The following PARN variants were observed in gnomAD, a reference collection of about 807,000 sequenced individuals.
The protein encoded by PARN is poly(A)-specific ribonuclease PARN.
A neutral mutation model predicts 102.8 loss-of-function variants in PARN; 71 were observed. The ratio of observed to expected loss-of-function variants is 0.69; its 90% CI spans 0.57 to 0.84. The LOEUF is 0.84. Among genes scored for constraint, PARN ranks in the 40% least tolerant of loss-of-function variants. The pLI is 0.00. For synonymous variants in PARN, 261 were observed against 252.9 expected (o/e 1.03, Z -0.30); for missense variants, 782 against 760.9 (o/e 1.03, Z -0.33).
intron 13 of PARN, among the ~76,000 whole-genome samples, chr16:14,588,245 G>A (rs555532057): frequency 6.6e-6 from 1 of 152,244 alleles, no homozygotes; most frequent in African/African-American, 2.4e-5. Flanking sequence ...CACCTCTTAG[G>A]GAACAAATAA....
chr16:14,538,234 T>A (rs2151682890), intron 21 of PARN, among the ~76,000 whole-genome samples: 1 of 151,720 alleles, frequency 6.6e-6, no homozygotes, highest in South Asian at 2.1e-4. Context: ...TTTTTTTTTT[T>A]TTTTGAGACA....
intron 22 of PARN, among the ~76,000 whole-genome samples, chr16:14,450,930 G>C (rs571015874): frequency 6.6e-6 from 1 of 152,000 alleles, no homozygotes; most frequent in South Asian, 2.1e-4. Flanking sequence ...AGCAATCCAT[G>C]AGTCTACATC....
intron 18 of PARN, among the ~76,000 whole-genome samples, chr16:14,573,224 G>C (rs1968914459): frequency 6.6e-6 from 1 of 152,022 alleles, no homozygotes; most frequent in Non-Finnish European, 1.5e-5. Flanking sequence ...TGTATATATT[G>C]ATATGTACAA....
intron 3 of PARN, among the ~76,000 whole-genome samples, chr16:14,627,696 A>G (rs1297987077): frequency 6.6e-6 from 1 of 152,192 alleles, no homozygotes; most frequent in African/African-American, 2.4e-5. Context: ...TCATTAAAAT[A>G]ACACTTTAAG....
chr16:14,460,726 A>C (rs1362500766), intron 22 of PARN, among the ~76,000 whole-genome samples: 1 of 152,234 alleles, frequency 6.6e-6, no homozygotes, highest in Non-Finnish European at 1.5e-5. Context: ...AAAGTGTTTT[A>C]TTTCTTTGTA....
intron 21 of PARN, among the ~76,000 whole-genome samples, chr16:14,510,615 A>C (rs1192860215): frequency 1.3e-5 from 2 of 152,224 alleles, no homozygotes; most frequent in African/African-American, 2.4e-5. Context: ...CAAATAAGGA[A>C]ACCCAAACTT....
intron 12 of PARN, among the ~76,000 whole-genome samples, chr16:14,598,673 C>T (rs1207816008): frequency 6.6e-6 from 1 of 152,226 alleles, no homozygotes; most frequent in Non-Finnish European, 1.5e-5. Flanking sequence ...AATCGCCCCA[C>T]TTACTTGAGC....
chr16:14,617,125 T>C (rs536465847), intron 6 of PARN, among the ~76,000 whole-genome samples: 8 of 149,734 alleles, frequency 5.3e-5, no homozygotes, highest in Non-Finnish European at 7.4e-5. Context: ...TGGCTCACAC[T>C]TGTAATCCCA....
intron 22 of PARN, among the ~76,000 whole-genome samples, chr16:14,477,564 T>A (rs1264360523): frequency 6.6e-6 from 1 of 150,964 alleles, no homozygotes; most frequent in Non-Finnish European, 1.5e-5. Context: ...GATCACGAGG[T>A]CAGGAGTTCG....
intron 3 of PARN, 82 bp downstream of exon 3, chr16:14,628,090 C>T: frequency 1.2e-6 from 1 of 857,878 alleles, no homozygotes; most frequent in South Asian, 1.4e-5. Context: ...CCTTAATGCA[C>T]AAGTTTAGTA....
At position 14,592,036 on chromosome 16, in the gene PARN, C is replaced by CA. The variant is rs879685851; in HGVS notation, c.918+1264dup. 449 of 121,904 alleles carry CA rather than the reference C, an allele frequency of 3.7e-3. 2 individuals are homozygous for CA. Among genetic ancestry groups the CA allele is most frequent in the African/African-American group, 9.5e-3 (310 of 32,578 alleles). 7.6% of individuals were successfully genotyped at this position (121,904 alleles called of 1,614,324 possible). On this transcript the variant is annotated intron_variant, in intron 13 of 23. Coordinates refer to ENST00000437198, the MANE Select transcript of PARN (RefSeq NM_002582.4). ...CTGGTGAAAGAGTGAGACTCCATCT[C>CA]AAAAAAAAAAAAAGAATCCAGATGT...
Position 14,582,220 on chromosome 16 carries a change from T to C in PARN, c.1153A>G (p.Ile385Val). 1 of 1,613,314 alleles carries C rather than the reference T, an allele frequency of 6.2e-7. No homozygotes were observed. Among genetic ancestry groups the C allele is most frequent in the Non-Finnish European group, 8.5e-7 (1 of 1,179,196 alleles). The change falls in exon 17 of 24, where the codon ATC becomes GTC. Residue 385 changes from isoleucine (I) to valine (V), a missense_variant. Ile to Val is a conservative substitution (Grantham distance 29). Transcript: ENST00000437198. ...ATGGAGATGAAGCACAGCCCTGTGA[T>C]GTAGGCATCGTAGCCTGCCTCGTGG... is the stretch of plus-strand genomic sequence containing the variant. The part of the protein sequence containing the change: ...QLHEAGYDAY[I>V]TGLCFISMAN...
intron 14 of PARN, among the ~76,000 whole-genome samples, chr16:14,585,002 T>C (rs1226680629): frequency 6.6e-6 from 1 of 152,094 alleles, no homozygotes; most frequent in Non-Finnish European, 1.5e-5. Context: ...TACGTTGGAG[T>C]AGGTACTCAG....
chr16:14,495,841 G>A (rs1312367477), intron 21 of PARN, among the ~76,000 whole-genome samples: 1 of 152,104 alleles, frequency 6.6e-6, no homozygotes, highest in East Asian at 1.9e-4. Context: ...AGGTGTGTGC[G>A]CGGACAGCTT....
rs543039698 is a variant in PARN at position 14,622,651 on chromosome 16, C to T, written c.327+4455G>A. ...TCCCGAGTAGCTGGGACTACAGGCG[C>T]CCGCCCCCACGCCTGGCTAATTTTT... is the stretch of plus-strand genomic sequence containing the variant. On this transcript the variant is annotated intron_variant, in intron 5 of 23. Transcript: ENST00000437198. Among the ~76,000 whole-genome samples, 10 of 152,332 alleles carry T rather than the reference C, an allele frequency of 6.6e-5. 1 individual carries two copies. The South Asian group carries it at 2.1e-3, about 32-fold the overall frequency.
At chr16:14,624,530 G>A (rs1156498581) in intron 5 of PARN, among the ~76,000 whole-genome samples, 1 of 152,122 alleles carries the variant, frequency 6.6e-6, no homozygotes, top group East Asian at 1.9e-4. Context: ...AAGTATTCCA[G>A]GTGTACAATC....
Position 14,438,441 on chromosome 16 carries a change from T to TGGGG in PARN, c.1865-1673_1865-1670dup, listed in dbSNP as rs375043884. 1.7e-3 allele frequency among the ~76,000 whole-genome samples: 180 copies of TGGGG among 106,992 alleles called. 2 individuals carry two copies. Among genetic ancestry groups the TGGGG allele is most frequent in the East Asian group, 0.012 (42 of 3,506 alleles). The allele number at this position is 106,992 out of a possible 152,430, so 70.2% of individuals were successfully genotyped here. A position where few individuals can be genotyped will look rare whatever the true frequency, so the allele number is the denominator to read the frequency against. On this transcript the variant is annotated intron_variant, in intron 23 of 23. Transcript: ENST00000437198. ...CTGCCAATCTGCACCTGCCATTAGT[T>TGGGG]GGGGGGGGGGGTGTGTGAGTGCACA... is the stretch of plus-strand genomic sequence containing the variant.
In PARN at chr16:14,584,380, A is replaced by C. The variant is rs528529286; in HGVS notation, c.1048T>G (p.Leu350Val). The C allele has an allele frequency of 2.4e-5, 38 of 1,613,410 alleles. No individual in the cohort carries two copies. The South Asian group carries it at 4.0e-4, about 17-fold the overall frequency. Reference sequence around the variant, plus strand: ...GGAGGGTTGAAAGGTGTCTCTTTTAACCGCTTTTCCAATTCCGCAAGGGAT... The same window carrying C: ...GGAGGGTTGAAAGGTGTCTCTTTTACCCGCTTTTCCAATTCCGCAAGGGAT... ...NTSLAELEKRLKETPFNPPKV... is the reference protein window; with the variant it reads ...NTSLAELEKRVKETPFNPPKV... The change falls in exon 16 of 24, where the codon TTA becomes GTA. Residue 350 changes from leucine (L) to valine (V), a missense_variant. Physicochemically the swap from Leu to Val is conservative, Grantham distance 32. Coordinates refer to ENST00000437198, the MANE Select transcript of PARN (RefSeq NM_002582.4).
At chr16:14,563,522 G>GTGTGTGTGTGTGTATATATA (rs1423811963) in intron 18 of PARN, among the ~76,000 whole-genome samples, 16 of 149,144 alleles carry the variant, frequency 1.1e-4, no homozygotes, top group Non-Finnish European at 1.6e-4. Context: ...GTGTGTGTGT[G>GTGTGTGTGTGTGTATATATA]TATATAATTC....
Sources: gnomAD v4.1 joint callset for allele counts (sites outside exome capture counted in the v4.1 genomes callset) on GRCh38, gnomAD v4.1.1 for gene constraint, MANE v1.5 for transcripts, NCBI Gene and HGNC (gene_info 2026-07-23, HGNC 2026-07-21) for gene names.